DLX5: variants seen among roughly 807,000 people sequenced by gnomAD.
The protein encoded by DLX5 is distal-less homeobox 5, also known as homeobox protein DLX-5.
DLX5 carries 8 observed loss-of-function variants against 27.1 expected under a neutral mutation model. That is an observed-to-expected ratio of 0.30 (90% CI 0.17 to 0.53). The LOEUF (loss-of-function observed/expected upper bound fraction) is 0.53. DLX5 is among the 20% of genes least tolerant of loss of function. The probability of loss-of-function intolerance (pLI) is 0.95; values close to 1 mark genes in which losing one functional copy is unlikely to be tolerated. For missense variants in DLX5, 339 were observed against 375.1 expected, an observed-to-expected ratio of 0.90 and a Z score of 0.80; for synonymous variants, 178 against 161.9, an observed-to-expected ratio of 1.10 and a Z score of -0.75.
chr7:97,021,932 G>C, intron 2 of DLX5: 1 of 606,430 alleles, frequency 1.6e-6, no homozygotes, highest in South Asian at 2.0e-5. Flanking sequence ...TGGCCCCACA[G>C]CTCCGGAGGC....
At chr7:97,023,860 C>T (rs1790129033) in intron 1 of DLX5, among the ~76,000 whole-genome samples, 1 of 149,960 alleles carries the variant, frequency 6.7e-6, no homozygotes, top group Non-Finnish European at 1.5e-5. Context: ...AGGCAGCCTT[C>T]TATTCCCACT....
Position 97,021,942 on chromosome 7 carries a change from C to T in DLX5, c.540+243G>A, listed in dbSNP as rs926971208. ...GAAATTGGCCCCACAGCTCCGGAGGCCCGCTACGGGGTGGGGGCGGGGGGC... is the reference window on the plus strand; with the variant it reads ...GAAATTGGCCCCACAGCTCCGGAGGTCCGCTACGGGGTGGGGGCGGGGGGC... On this transcript the variant is annotated intron_variant, in intron 2 of 2. Transcript: ENST00000648378. 82 of 610,014 alleles carry T rather than the reference C, an allele frequency of 1.3e-4. 1 individual carries two copies. The South Asian group carries it at 1.6e-3, about 12-fold the overall frequency. 37.8% of individuals were successfully genotyped at this position (610,014 alleles called of 1,614,324 possible).
chr7:97,023,532 G>T (rs1790121155), intron 1 of DLX5, among the ~76,000 whole-genome samples: 1 of 151,862 alleles, frequency 6.6e-6, no homozygotes, highest in African/African-American at 2.4e-5. Context: ...TTCTCTTACC[G>T]CCCAAGCTCA....
In DLX5 at chr7:97,024,584, A is replaced by C; in HGVS notation, c.40T>G (p.Ser14Ala). 6.2e-7 allele frequency: 1 copy of C among 1,607,124 alleles called. No homozygotes were observed. The highest frequency in any genetic ancestry group is 8.5e-7 in the Non-Finnish European group (1 of 1,174,364). ...TGGAACGGAGCTTGGAAGTCGCCGGATCGGATGCTGGGGACCCTTCTGTCA... is the reference window on the plus strand; with the variant it reads ...TGGAACGGAGCTTGGAAGTCGCCGGCTCGGATGCTGGGGACCCTTCTGTCA... ...VFDRRVPSIR[S>A]GDFQAPFQTS... is the part of the protein sequence containing the mutation. Residue 14 changes from serine (S) to alanine (A), a missense_variant, in exon 1 of 3, where the codon TCC becomes GCC. Physicochemically the swap from Ser to Ala is moderately conservative, Grantham distance 99. Around this residue, in one of 3 missense-constraint regions of DLX5, gnomAD observed 188 missense variants for 206.1 expected, o/e 0.91. Coordinates refer to ENST00000648378, the MANE Select transcript of DLX5 (RefSeq NM_005221.6). The surrounding 1 kb of genome is among the most constrained non-coding windows in gnomAD (Gnocchi z 4.6).
chr7:97,021,796 C>T (rs572221754), intron 2 of DLX5, among the ~76,000 whole-genome samples: 236 of 152,324 alleles, frequency 1.5e-3, no homozygotes, highest in African/African-American at 5.1e-3. Flanking sequence ...CCTGAGACCA[C>T]CGCGAGAACA....
chr7:97,022,274 C>A lies in DLX5; in HGVS notation c.451G>T (p.Ala151Ser), dbSNP rs867714415. The change falls in exon 2 of 3, where the codon GCA becomes TCA. Residue 151 changes from alanine to serine, a missense_variant. Ala to Ser is a moderately conservative substitution (Grantham distance 99). Around this residue, in one of 3 missense-constraint regions of DLX5, gnomAD observed 188 missense variants for 206.1 expected, o/e 0.91. Transcript: ENST00000648378. ...GTCTTCTGAAACCTTCTCTGTAATG[C>A]GGCCAGCTGAAAGCTGGAATAAATA... ...RTIYSSFQLA[A>S]LQRRFQKTQY... 3.1e-6 allele frequency: 5 copies of A among 1,614,226 alleles called. No homozygotes were observed. The highest frequency in any genetic ancestry group is 4.2e-6 in the Non-Finnish European group (5 of 1,180,044).
In DLX5 at chr7:97,020,871, G is replaced by A. The variant is rs1790032805; in HGVS notation, c.735C>T (p.Asn245=). 1 of 1,614,194 alleles carries A rather than the reference G, an allele frequency of 6.2e-7. No homozygotes were observed. The highest frequency in any genetic ancestry group is 1.1e-5 in the South Asian group (1 of 91,080). The change falls in exon 3 of 3, where the codon AAC becomes AAT. Residue 245 remains asparagine, a synonymous_variant. Coordinates refer to ENST00000648378, the MANE Select transcript of DLX5 (RefSeq NM_005221.6). Reference sequence around the variant, plus strand: ...CCAGGTAGCTGGACGCTGGGGACTGGTTGGAGGTCGGAGGGTGGGCATGAG... The same window carrying A: ...CCAGGTAGCTGGACGCTGGGGACTGATTGGAGGTCGGAGGGTGGGCATGAG... ...HHPHAHPPTS[N]QSPASSYLEN...
At position 97,020,575 on chromosome 7, in the gene DLX5, G is replaced by GA. The variant is rs1483115446; in HGVS notation, c.*160_*161insT. The GA allele has an allele frequency of 1.4e-6, 1 of 713,058 alleles. No homozygotes were observed. The highest frequency in any genetic ancestry group is 2.1e-6 in the Non-Finnish European group (1 of 480,348). 44.2% of individuals were successfully genotyped at this position (713,058 alleles called of 1,614,324 possible). A position where few individuals can be genotyped will look rare whatever the true frequency, so the allele number is the denominator to read the frequency against. ...AAAAAAAGTCCTCTGTAAAAAAAGG[G>GA]GGGGTCTTTTGAAATGCAATAACTT... On this transcript the variant is annotated 3_prime_UTR_variant, in exon 3 of 3. Coordinates refer to ENST00000648378, the MANE Select transcript of DLX5 (RefSeq NM_005221.6).
At chr7:97,023,078 G>A (rs1208579392) in intron 1 of DLX5, among the ~76,000 whole-genome samples, 3 of 151,474 alleles carry the variant, frequency 2.0e-5, no homozygotes, top group South Asian at 4.2e-4. Flanking sequence ...TACAGAGAGA[G>A]TGAAAGAAAC....
chr7:97,021,369 T>TCGG (rs1438183701), intron 2 of DLX5, among the ~76,000 whole-genome samples: 2 of 152,104 alleles, frequency 1.3e-5, no homozygotes, highest in Admixed American at 6.5e-5. Context: ...CCGAGTGTCC[T>TCGG]CGGCGGCGGC....
intron 1 of DLX5, chr7:97,022,695 G>C: frequency 1.6e-6 from 1 of 634,812 alleles, no homozygotes; most frequent in East Asian, 1.4e-4. Context: ...CGCCCACCCT[G>C]TGCTCCTCCG....
chr7:97,021,946 C>G (rs938423568), intron 2 of DLX5: 4 of 612,808 alleles, frequency 6.5e-6, no homozygotes, highest in Non-Finnish European at 1.1e-5. Flanking sequence ...CGGAGGCCCG[C>G]TACGGGGTGG....
Position 97,021,084 on chromosome 7 carries a change from G to A in DLX5, c.541-19C>T. The stretch of plus-strand genomic sequence containing the variant: ...TTTTCACCTGAGTTGGGGAACAAAG[G>A]CACACGTTACCGGGACACTCAGAGG... On this transcript the variant is annotated intron_variant, in intron 2 of 2. Coordinates refer to ENST00000648378, the MANE Select transcript of DLX5 (RefSeq NM_005221.6). 1 of 1,586,578 alleles carries A rather than the reference G, an allele frequency of 6.3e-7. No homozygotes were observed. Among genetic ancestry groups the A allele is most frequent in the Non-Finnish European group, 8.6e-7 (1 of 1,163,730 alleles).
At position 97,024,160 on chromosome 7, in the gene DLX5, T is replaced by G; in HGVS notation, c.355+109A>C. On this transcript the variant is annotated intron_variant, in intron 1 of 2. Coordinates refer to ENST00000648378, the MANE Select transcript of DLX5 (RefSeq NM_005221.6). This position sits in a 1 kb window ranked among gnomAD's most constrained non-coding sequence, Gnocchi z 4.6. ...CTGAGTCCTACTCCCTTCTGCCGCG[T>G]GCGCCCCCACTGCCGTGAACCGCTG... is the stretch of plus-strand genomic sequence containing the variant. 1 of 1,008,696 alleles carries G rather than the reference T, an allele frequency of 9.9e-7. No individual in the cohort carries two copies. Among genetic ancestry groups the G allele is most frequent in the Non-Finnish European group, 1.4e-6 (1 of 698,808 alleles). The allele number at this position is 1,008,696 out of a possible 1,614,324, so 62.5% of individuals were successfully genotyped here.
chr7:97,024,398 G>C lies in DLX5; in HGVS notation c.226C>G (p.Gln76Glu). The stretch of plus-strand genomic sequence containing the variant: ...GCGGAGCCGTTCACGCCGTGATACT[G>C]ATACTGGTAGGGGTTGAGAGCTTTG... ...YGKALNPYQY[Q>E]YHGVNGSAGS... Residue 76 changes from glutamine to glutamate, a missense_variant, in exon 1 of 3, where the codon CAG (glutamine) becomes GAG (glutamate). By Grantham distance (29) the Gln-to-Glu change is conservative. Coordinates refer to ENST00000648378, the MANE Select transcript of DLX5 (RefSeq NM_005221.6). The surrounding 1 kb of genome is among the most constrained non-coding windows in gnomAD (Gnocchi z 4.6). The C allele has an allele frequency of 6.2e-7, 1 of 1,614,256 alleles. No individual in the cohort carries two copies. Among genetic ancestry groups the C allele is most frequent in the Non-Finnish European group, 8.5e-7 (1 of 1,180,056 alleles).
In DLX5 at chr7:97,024,257, CT is replaced by C. The variant is rs530280507; in HGVS notation, c.355+11del. On this transcript the variant is annotated intron_variant, in intron 1 of 2. Transcript: ENST00000648378. The surrounding 1 kb of genome is among the most constrained non-coding windows in gnomAD (Gnocchi z 4.6). ...GCCCTGTATCTGCCCAGCCTTCCCC[CT>C]GTCCATGTACCTGGCTGGTTGGTGG... The C allele has an allele frequency of 1.3e-4, 209 of 1,608,706 alleles. 1 individual carries two copies. The African/African-American group carries it at 2.5e-3, about 19-fold the overall frequency.
At chr7:97,022,019 C>T (rs1790076757) in intron 2 of DLX5, 166 bp downstream of exon 2, 1 of 779,812 alleles carries the variant, frequency 1.3e-6, no homozygotes, top group Non-Finnish European at 2.1e-6. Context: ...TCCCCACCGT[C>T]TCAAGGCCTG....
chr7:97,022,712 C>CGCCCCTCCCCAGGCTTCAAGAACACCA (rs903463137), intron 1 of DLX5: 3 of 465,472 alleles, frequency 6.4e-6, no homozygotes, highest in African/African-American at 4.2e-5. Context: ...TCCGCGTTTC[C>CGCCCCTCCCCAGGCTTCAAGAACACCA]GCCCCTCCCC....
chr7:97,022,425 C>A, intron 1 of DLX5, 56 bp from the exon 2 acceptor site: 1 of 1,601,730 alleles, frequency 6.2e-7, no homozygotes, highest in Non-Finnish European at 8.5e-7. Flanking sequence ...GCCCCTTTTG[C>A]GGAAGGGCCT....
Sources: gnomAD v4.1 joint callset for allele counts (sites outside exome capture counted in the v4.1 genomes callset) on GRCh38, gnomAD v4.1.1 for gene constraint, gnomAD v4.1.1 regional missense constraint, Gnocchi (gnomAD v3.1) non-coding constraint, MANE v1.5 for transcripts, NCBI Gene and HGNC (gene_info 2026-07-23, HGNC 2026-07-21) for gene names.